Variants in ZNF318 observed in about 807,000 individuals in gnomAD.
ZNF318 encodes the protein zinc finger protein 318, also known as endocrine regulator.
Under a neutral mutation model 124.2 loss-of-function variants are expected in ZNF318, and 51 were observed. The ratio of observed to expected loss-of-function variants is 0.41; its 90% confidence interval spans 0.33 to 0.52. ZNF318 has a LOEUF of 0.52. Ranked by LOEUF, ZNF318 falls within the 20% of genes least tolerant of loss-of-function variation. The probability of loss-of-function intolerance (pLI) is 0.23; values close to 1 mark genes in which losing one functional copy is unlikely to be tolerated. For synonymous variants in ZNF318, 1,090 were observed against 1,040.7 expected (o/e 1.05, Z -0.91); for missense variants, 2,815 against 2,811.2 (o/e 1.00, Z -0.03).
At position 43,340,364 on chromosome 6, in the gene ZNF318, T is replaced by C. The variant is rs1453154987; in HGVS notation, c.3634A>G (p.Lys1212Glu). Reference protein sequence around the residue: ...RKLSEKPKEEKKEKKAKAVKE... With the variant: ...RKLSEKPKEEEKEKKAKAVKE... ...ACAGCCTTTGCCTTTTTTTCTTTCT[T>C]CTCCTCCTTTGGTTTCTCACTAAGT... Residue 1212 changes from lysine (K) to glutamate (E), a missense_variant, in exon 10 of 10, where the codon AAG becomes GAG. Physicochemically the swap from Lys to Glu is moderately conservative, Grantham distance 56 (BLOSUM62 1). This residue lies in a region of ZNF318 where 500 missense variants were observed against 605.2 expected (regional missense o/e 0.83). Transcript: ENST00000361428. The C allele has an allele frequency of 8.1e-6, 13 of 1,614,180 alleles. No homozygotes were observed. The East Asian group carries it at 8.9e-5, about 11-fold the overall frequency.
rs747088323 is a variant in ZNF318, at chr6:43,340,240, G to C, written c.3758C>G (p.Thr1253Ser). ...SPEKAENKRN[T>S]GIKLQLKEEV... ...TTCTTTTAACTGGAGTTTGATGCCA[G>C]TGTTCCTTTTATTTTCAGCTTTTTC... is the stretch of plus-strand genomic sequence containing the variant. Residue 1253 changes from threonine (T) to serine (S), a missense_variant, in exon 10 of 10, where the codon ACT becomes AGT. By Grantham distance (58) the Thr-to-Ser change is moderately conservative (BLOSUM62 1). Around this residue, in one of 4 missense-constraint regions of ZNF318, gnomAD observed 500 missense variants for 605.2 expected, o/e 0.83. Coordinates refer to ENST00000361428, the MANE Select transcript of ZNF318 (RefSeq NM_014345.3). 2 of 1,614,128 alleles carry C rather than the reference G, an allele frequency of 1.2e-6. No homozygotes were observed. Among genetic ancestry groups the C allele is most frequent in the South Asian group, 2.2e-5 (2 of 91,068 alleles).
rs934222736 is a variant in ZNF318, at chr6:43,357,509, G to A, written c.805C>T (p.Arg269Trp). The A allele has an allele frequency of 5.6e-6, 9 of 1,613,924 alleles. No individual in the cohort carries two copies. The highest frequency in any genetic ancestry group is 2.7e-5 in the African/African-American group (2 of 74,860). The stretch of plus-strand genomic sequence containing the variant: ...TCATAACGGGGTCTTTTGGCCTCCC[G>A]GCTCCTTTCTTCAGATCGTATGGAG... ...GYSIRSEERS[R>W]EAKRPRYDDT... The change falls in exon 3 of 10, where the codon CGG becomes TGG. Residue 269 changes from arginine (R) to tryptophan (W), a missense_variant. This residue lies in a region of ZNF318 where 1,377 missense variants were observed against 1,353.5 expected (regional missense o/e 1.02). Coordinates refer to ENST00000361428, the MANE Select transcript of ZNF318 (RefSeq NM_014345.3).
Position 43,340,362 on chromosome 6 carries a change from C to G in ZNF318, c.3636G>C (p.Lys1212Asn). 6.2e-7 allele frequency: 1 copy of G among 1,613,756 alleles called. No individual in the cohort carries two copies. Residue 1212 changes from lysine to asparagine, a missense_variant, in exon 10 of 10, where the codon AAG (lysine) becomes AAC (asparagine). Around this residue, in one of 4 missense-constraint regions of ZNF318, gnomAD observed 500 missense variants for 605.2 expected, o/e 0.83. Coordinates refer to ENST00000361428, the MANE Select transcript of ZNF318 (RefSeq NM_014345.3). ...TCACAGCCTTTGCCTTTTTTTCTTTCTTCTCCTCCTTTGGTTTCTCACTAA... is the reference window on the plus strand; with the variant it reads ...TCACAGCCTTTGCCTTTTTTTCTTTGTTCTCCTCCTTTGGTTTCTCACTAA... Reference protein sequence around the residue: ...RKLSEKPKEEKKEKKAKAVKE... With the variant: ...RKLSEKPKEENKEKKAKAVKE...
At chr6:43,350,127 G>A (rs908802576) in intron 5 of ZNF318, among the ~76,000 whole-genome samples, 1 of 152,182 alleles carries the variant, frequency 6.6e-6, no homozygotes. Flanking sequence ...GCACACGCCT[G>A]TAATCCCAGC....
In ZNF318 at chr6:43,355,111, C is replaced by A. The variant is rs1779585367; in HGVS notation, c.2223G>T (p.Met741Ile). ...TTGGGGCAGATGGGGCTGATGGCAACATGCACCTGACTGCAACAGATGACT... is the reference window on the plus strand; with the variant it reads ...TTGGGGCAGATGGGGCTGATGGCAAAATGCACCTGACTGCAACAGATGACT... Reference protein sequence around the residue: ...GFQSSVAVRCMLPSAPSAPIR... With the variant: ...GFQSSVAVRCILPSAPSAPIR... The change falls in exon 4 of 10, where the codon ATG becomes ATT. Residue 741 changes from methionine to isoleucine, a missense_variant. Met to Ile is a conservative substitution (Grantham distance 10). Transcript: ENST00000361428. 2 of 1,614,084 alleles carry A rather than the reference C, an allele frequency of 1.2e-6. No homozygotes were observed. Among genetic ancestry groups the A allele is most frequent in the Non-Finnish European group, 1.7e-6 (2 of 1,180,048 alleles).
At chr6:43,365,214 A>C in intron 2 of ZNF318, 78 bp downstream of exon 2, 2 of 1,496,204 alleles carry the variant, frequency 1.3e-6, no homozygotes, top group Non-Finnish European at 1.8e-6. Flanking sequence ...CCATCCTTTC[A>C]AATATATCAT....
chr6:43,337,591 G>C lies in ZNF318; in HGVS notation c.6407C>G (p.Pro2136Arg), dbSNP rs768030085. ...TTGGGAAGATTCTTTTACTTCCTCA[G>C]GCATCATTCCTCCTGCTAACAGGTC... is the stretch of plus-strand genomic sequence containing the variant. Reference protein sequence around the residue: ...ALDLLAGGMMPEEVKESSQLD... With the variant: ...ALDLLAGGMMREEVKESSQLD... The change falls in exon 10 of 10, where the codon CCT (proline) becomes CGT (arginine). Residue 2136 changes from proline to arginine, a missense_variant. By Grantham distance (103) the Pro-to-Arg change is moderately radical. Coordinates refer to ENST00000361428, the MANE Select transcript of ZNF318 (RefSeq NM_014345.3). The C allele has an allele frequency of 3.1e-6, 5 of 1,613,974 alleles. No homozygotes were observed.
intron 2 of ZNF318, chr6:43,364,283 G>T: frequency 2.1e-6 from 1 of 473,002 alleles, no homozygotes; most frequent in Non-Finnish European, 3.7e-6. Context: ...TCCAGCTGTG[G>T]CTACAACATA....
intron 6 of ZNF318, among the ~76,000 whole-genome samples, chr6:43,343,761 G>A (rs1002558610): frequency 6.7e-6 from 1 of 149,458 alleles, no homozygotes; most frequent in Non-Finnish European, 1.5e-5. Flanking sequence ...CCCAGGAGGC[G>A]GAGGTTGCAG....
chr6:43,340,938 T>C, intron 8 of ZNF318, 30 bp from the exon 9 acceptor site: 1 of 1,514,746 alleles, frequency 6.6e-7, no homozygotes, highest in Admixed American at 1.7e-5. Flanking sequence ...GTCAAGGAAA[T>C]AAGTCGATTC....
Position 43,342,859 on chromosome 6 carries a change from C to T in ZNF318, c.3093G>A (p.Glu1031=). 4 of 1,612,012 alleles carry T rather than the reference C, an allele frequency of 2.5e-6. No homozygotes were observed. Among genetic ancestry groups the T allele is most frequent in the Non-Finnish European group, 3.4e-6 (4 of 1,178,422 alleles). ...GCTTGGGGCTCTTAGTACGAAACTT[C>T]TCATTGTTTACTTTTGATTCCTAGA... The part of the protein sequence containing the change: ...SSNKESKVNN[E]KFRTKSPKPA... The change falls in exon 7 of 10, where the codon GAG becomes GAA. Residue 1031 remains glutamate (E), a synonymous_variant. Coordinates refer to ENST00000361428, the MANE Select transcript of ZNF318 (RefSeq NM_014345.3).
chr6:43,358,279 GCT>G (rs1397022333), intron 2 of ZNF318, among the ~76,000 whole-genome samples: 2 of 152,038 alleles, frequency 1.3e-5, no homozygotes, highest in African/African-American at 4.8e-5. Context: ...ATGGAGTCTC[GCT>G]CTGTCACCCA....
In ZNF318 at chr6:43,342,763, A is replaced by G. The variant is rs1008828500; in HGVS notation, c.3189T>C (p.Ala1063=). The G allele has an allele frequency of 1.2e-6, 2 of 1,614,244 alleles. No individual in the cohort carries two copies. The highest frequency in any genetic ancestry group is 1.7e-6 in the Non-Finnish European group (2 of 1,180,042). ...TGCAGTCTTTGCACCAGTGATTGCC[A>G]GCATCATAATACTCATAAGCAGCAG... ...QPTAAYEYYD[A]GNHWCKDCNT... Residue 1063 remains alanine (A), a synonymous_variant, in exon 7 of 10, where the codon GCT becomes GCC. Coordinates refer to ENST00000361428, the MANE Select transcript of ZNF318 (RefSeq NM_014345.3).
At position 43,369,499 on chromosome 6, in the gene ZNF318, C is replaced by T. The variant is rs927160262; in HGVS notation, c.-134G>A. On this transcript the variant is annotated 5_prime_UTR_variant, in exon 1 of 10. Coordinates refer to ENST00000361428, the MANE Select transcript of ZNF318 (RefSeq NM_014345.3). ...GCCGCCTCAGCCGCGGGAGCAGCCCCCTCCCCTCGGCCCCGCGTCGCCCCG... is the reference window on the plus strand; with the variant it reads ...GCCGCCTCAGCCGCGGGAGCAGCCCTCTCCCCTCGGCCCCGCGTCGCCCCG... The T allele has an allele frequency of 1.5e-6, 1 of 667,302 alleles. No homozygotes were observed. Among genetic ancestry groups the T allele is most frequent in the Non-Finnish European group, 1.9e-6 (1 of 527,782 alleles). The allele number at this position is 667,302 out of a possible 1,614,324, so 41.3% of individuals were successfully genotyped here.
At chr6:43,360,563 T>A (rs929301876) in intron 2 of ZNF318, among the ~76,000 whole-genome samples, 3 of 152,242 alleles carry the variant, frequency 2.0e-5, no homozygotes, top group Non-Finnish European at 4.4e-5. Context: ...TATTCTACAT[T>A]TTTGTGTTTA....
intron 2 of ZNF318, among the ~76,000 whole-genome samples, chr6:43,360,592 G>A (rs1204785752): frequency 1.3e-5 from 2 of 152,140 alleles, no homozygotes; most frequent in Non-Finnish European, 2.9e-5. Flanking sequence ...TGTTAAACAA[G>A]TTTTTAAAAA....
chr6:43,357,415 C>T lies in ZNF318; in HGVS notation c.899G>A (p.Arg300Gln), dbSNP rs778300125. ...AGGACTTGGGCTTCTTCTACGCTGTCGATAGTTGCGAGTTCCTGATGTAAA... is the reference window on the plus strand; with the variant it reads ...AGGACTTGGGCTTCTTCTACGCTGTTGATAGTTGCGAGTTCCTGATGTAAA... The part of the protein sequence containing the change: ...PSFTSGTRNY[R>Q]QRRRSPSPRF... The change falls in exon 3 of 10, where the codon CGA (arginine) becomes CAA (glutamine). Residue 300 changes from arginine to glutamine, a missense_variant. By Grantham distance (43) the Arg-to-Gln change is conservative. Transcript: ENST00000361428. The T allele has an allele frequency of 9.9e-6, 16 of 1,614,162 alleles. No homozygotes were observed. The highest frequency in any genetic ancestry group is 8.9e-5 in the East Asian group (4 of 44,882).
chr6:43,355,985 A>G lies in ZNF318; in HGVS notation c.1349T>C (p.Leu450Pro), dbSNP rs1779603342. The change falls in exon 4 of 10, where the codon CTC (leucine) becomes CCC (proline). Residue 450 changes from leucine (L) to proline (P), a missense_variant. Physicochemically the swap from Leu to Pro is moderately conservative, Grantham distance 98. Around this residue, in one of 4 missense-constraint regions of ZNF318, gnomAD observed 1,377 missense variants for 1,353.5 expected, o/e 1.02. Transcript: ENST00000361428. ...ETALKEPQGN[L>P]YQWGPLPGIP... ...CCCAGGAAGGGGACCCCATTGGTAG[A>G]GGTTGCCCTGAGGTTCCTTCAAGGC... 2.5e-6 allele frequency: 4 copies of G among 1,614,054 alleles called. No individual in the cohort carries two copies. Among genetic ancestry groups the G allele is most frequent in the South Asian group, 1.1e-5 (1 of 91,092 alleles).
At chr6:43,365,075 C>CT (rs1779741203) in intron 2 of ZNF318, among the ~76,000 whole-genome samples, 2 of 152,124 alleles carry the variant, frequency 1.3e-5, no homozygotes, top group South Asian at 4.1e-4. Flanking sequence ...TTTTTAAAGT[C>CT]TTTTTTTCTA....
Sources: gnomAD v4.1 joint callset for allele counts (sites outside exome capture counted in the v4.1 genomes callset) on GRCh38, gnomAD v4.1.1 for gene constraint, gnomAD v4.1.1 regional missense constraint, MANE v1.5 for transcripts, NCBI Gene and HGNC (gene_info 2026-07-23, HGNC 2026-07-21) for gene names.